The following NR6A1 variants were observed in gnomAD, a reference collection of about 807,000 sequenced individuals.
NR6A1 encodes the protein retinoic acid receptor-related testis-associated receptor.
NR6A1 carries 7 observed loss-of-function variants against 59.1 expected under a neutral mutation model. The observed-to-expected ratio is 0.12, with a 90% CI of 0.07 to 0.22. NR6A1 has a LOEUF of 0.22. Ranked by LOEUF, NR6A1 falls within the 10% of genes least tolerant of loss-of-function variation. The probability of loss-of-function intolerance (pLI) is 1.00; values close to 1 mark genes in which losing one functional copy is unlikely to be tolerated. For missense variants in NR6A1, 468 were observed against 611.6 expected (o/e 0.77, Z 2.48); for synonymous variants, 243 against 236.1 (o/e 1.03, Z -0.27).
intron 5 of NR6A1, among the ~76,000 whole-genome samples, chr9:124,539,262 G>C (rs1029956503): frequency 6.6e-6 from 1 of 152,022 alleles, no homozygotes; most frequent in African/African-American, 2.4e-5. Flanking sequence ...CCTATAACTG[G>C]GGTTGGCAAA....
At chr9:124,580,857 T>C (rs1834745113) in intron 2 of NR6A1, among the ~76,000 whole-genome samples, 1 of 151,888 alleles carries the variant, frequency 6.6e-6, no homozygotes, top group Non-Finnish European at 1.5e-5. Context: ...AGAATAAAGC[T>C]GGATGCATCA....
At chr9:124,730,555 C>CTTT (rs56330244) in intron 2 of NR6A1, among the ~76,000 whole-genome samples, 40 of 123,118 alleles carry the variant, frequency 3.2e-4, no homozygotes, top group South Asian at 7.8e-4. Context: ...ATTTTTTAGT[C>CTTT]TTTTTTTTTT....
chr9:124,699,724 C>A (rs1212232194), intron 2 of NR6A1, among the ~76,000 whole-genome samples: 2 of 152,182 alleles, frequency 1.3e-5, no homozygotes, highest in African/African-American at 4.8e-5. Flanking sequence ...GTGCAAGCAT[C>A]ACCAAAATCT....
chr9:124,723,800 T>C (rs1006755654), intron 2 of NR6A1, among the ~76,000 whole-genome samples: 6 of 152,298 alleles, frequency 3.9e-5, no homozygotes, highest in Admixed American at 1.3e-4. Flanking sequence ...CCTCATTTCA[T>C]AGATGAGAAA....
chr9:124,663,060 TGAATTA>T, intron 2 of NR6A1, among the ~76,000 whole-genome samples: 1 of 152,198 alleles, frequency 6.6e-6, no homozygotes, highest in Non-Finnish European at 1.5e-5. Flanking sequence ...AAAGAAATGA[TGAATTA>T]GGTCTTTTTT....
At position 124,704,047 on chromosome 9, in the gene NR6A1, A is replaced by C. The variant is rs1462229839; in HGVS notation, c.142+29261T>G. ...CTTTGTAGGAAGATTTTTAATTACT[A>C]ATTCATTTTAACTGTTATAAGGTCT... On this transcript the variant is annotated intron_variant, in intron 2 of 9. Coordinates refer to ENST00000487099, the MANE Select transcript of NR6A1 (RefSeq NM_033334.4). 2.0e-5 allele frequency among the ~76,000 whole-genome samples: 3 copies of C among 152,298 alleles called. No individual in the cohort carries two copies. In the East Asian group the frequency reaches 5.8e-4, roughly 29 times the overall value.
chr9:124,680,220 C>T (rs1196128466), intron 2 of NR6A1, among the ~76,000 whole-genome samples: 1 of 151,974 alleles, frequency 6.6e-6, no homozygotes, highest in Non-Finnish European at 1.5e-5. Context: ...GAACCCTGCA[C>T]CAGGCACTAT....
chr9:124,574,646 C>T (rs922780229), intron 2 of NR6A1, among the ~76,000 whole-genome samples: 3 of 152,116 alleles, frequency 2.0e-5, no homozygotes, highest in Middle Eastern at 3.2e-3. Flanking sequence ...AGTTTAATAC[C>T]CCTAGTCCCA....
chr9:124,721,699 G>A (rs904998127), intron 2 of NR6A1, among the ~76,000 whole-genome samples: 1 of 152,022 alleles, frequency 6.6e-6, no homozygotes, highest in Non-Finnish European at 1.5e-5. Context: ...CCTAATACAC[G>A]CAGAAGAGGC....
intron 8 of NR6A1, among the ~76,000 whole-genome samples, chr9:124,525,737 T>C (rs1294441801): frequency 6.6e-6 from 1 of 152,106 alleles, no homozygotes; most frequent in Non-Finnish European, 1.5e-5. Context: ...TTTTTATATA[T>C]AGAATATGAA....
chr9:124,555,355 G>A (rs1475977814), intron 2 of NR6A1, among the ~76,000 whole-genome samples: 1 of 152,174 alleles, frequency 6.6e-6, no homozygotes, highest in Non-Finnish European at 1.5e-5. Flanking sequence ...TATGCCAGCA[G>A]GTACAAGAAA....
At chr9:124,644,271 C>CTTTTTTTTT (rs35401605) in intron 2 of NR6A1, among the ~76,000 whole-genome samples, 42 of 96,718 alleles carry the variant, frequency 4.3e-4, no homozygotes, top group African/African-American at 1.1e-3. Flanking sequence ...ATTAAGTCTT[C>CTTTTTTTTT]TTTTTTTTTT....
chr9:124,666,200 C>CA (rs952766947), intron 2 of NR6A1, among the ~76,000 whole-genome samples: 31 of 144,182 alleles, frequency 2.2e-4, no homozygotes, highest in African/African-American at 6.1e-4. Flanking sequence ...ACAGTTACAC[C>CA]AAAAAAAAAG....
intron 1 of NR6A1, among the ~76,000 whole-genome samples, chr9:124,744,118 T>C (rs1164852082): frequency 6.6e-6 from 1 of 152,144 alleles, no homozygotes; most frequent in Non-Finnish European, 1.5e-5. Flanking sequence ...CATGCACCTA[T>C]AGTCCCAGCT....
At chr9:124,556,716 C>T (rs186807727) in intron 2 of NR6A1, among the ~76,000 whole-genome samples, 1 of 152,218 alleles carries the variant, frequency 6.6e-6, no homozygotes, top group Non-Finnish European at 1.5e-5. Context: ...ACACCTTGGC[C>T]TCCCAAAGTG....
intron 1 of NR6A1, among the ~76,000 whole-genome samples, chr9:124,761,014 A>G (rs944392876): frequency 6.6e-6 from 1 of 152,258 alleles, no homozygotes; most frequent in African/African-American, 2.4e-5. Context: ...GATTCCAAGA[A>G]TAGAGAGAGG....
chr9:124,685,722 G>A (rs188345063), intron 2 of NR6A1, among the ~76,000 whole-genome samples: 3 of 152,266 alleles, frequency 2.0e-5, no homozygotes, highest in East Asian at 1.9e-4. Flanking sequence ...CAAAATTGTA[G>A]GTTGAAACTT....
chr9:124,546,381 T>G (rs1369249756), intron 3 of NR6A1, among the ~76,000 whole-genome samples: 31 of 152,244 alleles, frequency 2.0e-4, no homozygotes, highest in Admixed American at 2.0e-3. Flanking sequence ...CTACTATGTA[T>G]GCATCCTAGT....
intron 3 of NR6A1, among the ~76,000 whole-genome samples, chr9:124,550,621 G>T (rs867969298): frequency 1.3e-5 from 2 of 151,986 alleles, no homozygotes; most frequent in Admixed American, 6.6e-5. Context: ...GCCTCCCAAA[G>T]TATTGGGATT....
Sources: gnomAD v4.1 joint callset for allele counts (sites outside exome capture counted in the v4.1 genomes callset) on GRCh38, gnomAD v4.1.1 for gene constraint, MANE v1.5 for transcripts, NCBI Gene and HGNC (gene_info 2026-07-23, HGNC 2026-07-21) for gene names.